AGTPBP1: variants seen among roughly 807,000 people sequenced by gnomAD.
AGTPBP1 encodes the protein ATP/GTP binding carboxypeptidase 1.
AGTPBP1 carries 70 observed loss-of-function variants against 143.9 expected under a neutral mutation model. That is an observed-to-expected ratio of 0.49 (90% CI 0.40 to 0.59). The LOEUF is 0.59. Ranked by LOEUF, AGTPBP1 falls within the 20% of genes least tolerant of loss-of-function variation. The pLI, the probability that AGTPBP1 is intolerant of heterozygous loss-of-function variation, is 0.00. For synonymous variants in AGTPBP1, 463 were observed against 500.2 expected (o/e 0.93, Z 0.99); for missense variants, 1,229 against 1,464.5 (o/e 0.84, Z 2.62).
At chr9:85,734,548 C>T (rs181725893) in intron 1 of AGTPBP1, among the ~76,000 whole-genome samples, 2 of 152,110 alleles carry the variant, frequency 1.3e-5, no homozygotes, top group East Asian at 1.9e-4. Flanking sequence ...ATCAAAACTA[C>T]AAGATATCAC....
intron 11 of AGTPBP1, among the ~76,000 whole-genome samples, chr9:85,648,879 A>G (rs1314225339): frequency 6.6e-6 from 1 of 152,198 alleles, no homozygotes; most frequent in Non-Finnish European, 1.5e-5. Flanking sequence ...AGAAAGGGAG[A>G]GGAGAAAATG....
chr9:85,601,831 A>C (rs761038758), intron 17 of AGTPBP1, among the ~76,000 whole-genome samples: 1 of 152,130 alleles, frequency 6.6e-6, no homozygotes, highest in Non-Finnish European at 1.5e-5. Flanking sequence ...TGCCCAAGGA[A>C]TGGCCGACCT....
the AGTPBP1 span, among the ~76,000 whole-genome samples, chr9:85,761,940 C>T: frequency 2.1e-3 from 320 of 152,132 alleles, no homozygotes; most frequent in Non-Finnish European, 4.0e-3. Context: ...AAAAAACAAC[C>T]CCATCAACAA....
chr9:85,763,679 A>G, the AGTPBP1 span, among the ~76,000 whole-genome samples: 27 of 152,268 alleles, frequency 1.8e-4, no homozygotes, highest in African/African-American at 6.3e-4. Context: ...CTTATCTCCC[A>G]TAATACACAG....
chr9:85,701,928 T>C (rs1170579253), intron 2 of AGTPBP1, among the ~76,000 whole-genome samples: 1 of 152,246 alleles, frequency 6.6e-6, no homozygotes, highest in Non-Finnish European at 1.5e-5. Flanking sequence ...TGACTCAGGT[T>C]GTTCAAGAGA....
chr9:85,635,476 A>C (rs186882107), intron 13 of AGTPBP1, among the ~76,000 whole-genome samples: 13 of 152,320 alleles, frequency 8.5e-5, no homozygotes, highest in Non-Finnish European at 1.6e-4. Context: ...TGGTAGGCTA[A>C]GTATCCACCC....
At chr9:85,601,080 C>T (rs558709732) in intron 17 of AGTPBP1, among the ~76,000 whole-genome samples, 4 of 152,220 alleles carry the variant, frequency 2.6e-5, no homozygotes, top group Non-Finnish European at 5.9e-5. Flanking sequence ...TATTAACACA[C>T]GCCTTGCAAA....
At chr9:85,550,742 T>G (rs537526108) in intron 25 of AGTPBP1, among the ~76,000 whole-genome samples, 1 of 152,306 alleles carries the variant, frequency 6.6e-6, no homozygotes, top group African/African-American at 2.4e-5. Context: ...TCTTCCAGTA[T>G]GCTCGGTAAC....
intron 21 of AGTPBP1, 132 bp from the exon 22 acceptor site, chr9:85,587,092 A>C: frequency 3.5e-6 from 4 of 1,134,416 alleles, no homozygotes; most frequent in Non-Finnish European, 4.8e-6. Flanking sequence ...AAATAGGTAT[A>C]GATGGTAAGC....
chr9:85,746,137 T>C (rs930680804), upstream of AGTPBP1, among the ~76,000 whole-genome samples: 2 of 152,016 alleles, frequency 1.3e-5, no homozygotes, highest in African/African-American at 2.4e-5. Context: ...ACACAGTATA[T>C]AGACGTCATA....
chr9:85,728,301 A>G (rs1230181436), intron 1 of AGTPBP1, among the ~76,000 whole-genome samples: 1 of 152,134 alleles, frequency 6.6e-6, no homozygotes, highest in Non-Finnish European at 1.5e-5. Flanking sequence ...CTTTCTCTGA[A>G]TCTTGTGCTC....
At chr9:85,617,965 C>T (rs1436527825) in intron 17 of AGTPBP1, among the ~76,000 whole-genome samples, 2 of 152,134 alleles carry the variant, frequency 1.3e-5, no homozygotes, top group Non-Finnish European at 2.9e-5. Context: ...TCTAGCTGGG[C>T]GCACTGGCTC....
At chr9:85,748,035 T>C in the AGTPBP1 span, among the ~76,000 whole-genome samples, 1 of 152,326 alleles carries the variant, frequency 6.6e-6, no homozygotes, top group African/African-American at 2.4e-5. Flanking sequence ...TTACCTCCCT[T>C]TTGTAACCAA....
At chr9:85,721,980 G>C (rs1838157410) in intron 1 of AGTPBP1, among the ~76,000 whole-genome samples, 1 of 152,172 alleles carries the variant, frequency 6.6e-6, no homozygotes, top group Non-Finnish European at 1.5e-5. Context: ...TTTTCTTTAA[G>C]AATGTTGAAT....
chr9:85,605,507 T>C lies in AGTPBP1; in HGVS notation c.2336-9058A>G, dbSNP rs1185517901. ...ACAAGAGATGCTAAAGGGAGTTCATTCTGAAAGAAAAGGACATTAATGAAC... is the reference window on the plus strand; with the variant it reads ...ACAAGAGATGCTAAAGGGAGTTCATCCTGAAAGAAAAGGACATTAATGAAC... On this transcript the variant is annotated intron_variant, in intron 17 of 25. Coordinates refer to ENST00000357081, the MANE Select transcript of AGTPBP1 (RefSeq NM_001330701.2). 2.6e-5 allele frequency among the ~76,000 whole-genome samples: 4 copies of C among 152,052 alleles called. No homozygotes were observed. In the East Asian group the frequency reaches 7.7e-4, roughly 29 times the overall value.
the AGTPBP1 span, chr9:85,786,723 A>G: frequency 9.1e-7 from 1 of 1,102,474 alleles, no homozygotes; most frequent in Non-Finnish European, 1.2e-6. Context: ...TTTATATGCT[A>G]TAGATGTGTA....
At chr9:85,793,964 A>T in the AGTPBP1 span, among the ~76,000 whole-genome samples, 2 of 152,174 alleles carry the variant, frequency 1.3e-5, no homozygotes, top group Non-Finnish European at 2.9e-5. Flanking sequence ...TTCCTGCTTT[A>T]TATTTTCTAT....
chr9:85,741,476 A>AC (rs1013461745), intron 1 of AGTPBP1: 1 of 985,110 alleles, frequency 1.0e-6, no homozygotes, highest in Non-Finnish European at 1.2e-6. Context: ...CCGCCCAGAG[A>AC]CCGCGCCCGA....
the AGTPBP1 span, among the ~76,000 whole-genome samples, chr9:85,771,321 C>T: frequency 6.6e-6 from 1 of 152,032 alleles, no homozygotes; most frequent in Non-Finnish European, 1.5e-5. Flanking sequence ...ACAAAAAATA[C>T]CAGAATTAGC....
Sources: gnomAD v4.1 joint callset for allele counts (sites outside exome capture counted in the v4.1 genomes callset) on GRCh38, gnomAD v4.1.1 for gene constraint, MANE v1.5 for transcripts, NCBI Gene and HGNC (gene_info 2026-07-23, HGNC 2026-07-21) for gene names.